The following UBE4B variants were observed in gnomAD, a reference collection of about 807,000 sequenced individuals.
UBE4B encodes the protein ubiquitination factor E4B, also known as ubiquitin conjugation factor E4 B.
UBE4B carries 27 observed loss-of-function variants against 148.1 expected under a neutral mutation model. The observed-to-expected ratio is 0.18, with a 90% confidence interval of 0.13 to 0.25. The LOEUF (loss-of-function observed/expected upper bound fraction) is 0.25, where lower values mean the gene tolerates loss of function less well. Among genes scored for constraint, UBE4B ranks in the 10% least tolerant of loss-of-function variants. The pLI is 1.00. For synonymous variants in UBE4B, 596 were observed against 619.3 expected, an observed-to-expected ratio of 0.96 and a Z score of 0.56; for missense variants, 1,170 against 1,662.4, an observed-to-expected ratio of 0.70 and a Z score of 5.15.
intron 1 of UBE4B, among the ~76,000 whole-genome samples, chr1:10,057,220 C>T (rs1474652096): frequency 6.6e-6 from 1 of 152,012 alleles, no homozygotes; most frequent in Non-Finnish European, 1.5e-5. Context: ...TAGTTCTCAC[C>T]AGCTGGCAGA....
At chr1:10,152,992 C>T (rs978562801) in intron 21 of UBE4B, among the ~76,000 whole-genome samples, 7 of 151,722 alleles carry the variant, frequency 4.6e-5, no homozygotes, top group Admixed American at 1.3e-4. Context: ...GTGTCTCTCT[C>T]GGGGGTTGTG....
chr1:10,144,901 G>C, intron 17 of UBE4B, 39 bp from the exon 18 acceptor site: 1 of 1,495,032 alleles, frequency 6.7e-7, no homozygotes, highest in Non-Finnish European at 9.3e-7. Context: ...GATGGATCCG[G>C]CTGTTTTCTT....
intron 1 of UBE4B, among the ~76,000 whole-genome samples, chr1:10,068,571 G>T (rs1048191433): frequency 2.0e-5 from 3 of 150,818 alleles, no homozygotes; most frequent in African/African-American, 7.3e-5. Flanking sequence ...GGCTGGTCTC[G>T]AACTCCTGAC....
intron 7 of UBE4B, among the ~76,000 whole-genome samples, chr1:10,111,528 GTTC>G (rs1194874789): frequency 2.0e-5 from 3 of 152,100 alleles, no homozygotes; most frequent in Non-Finnish European, 4.4e-5. Flanking sequence ...GCACACCGTC[GTTC>G]TTCATCCGCC....
chr1:10,141,140 A>G (rs1288281612), intron 17 of UBE4B, among the ~76,000 whole-genome samples: 1 of 152,104 alleles, frequency 6.6e-6, no homozygotes, highest in East Asian at 1.9e-4. Flanking sequence ...TCTGCAGTAC[A>G]TATGTGGTTG....
chr1:10,060,871 G>A (rs1644271005), intron 1 of UBE4B, among the ~76,000 whole-genome samples: 1 of 152,038 alleles, frequency 6.6e-6, no homozygotes, highest in Middle Eastern at 3.4e-3. Context: ...AGCCTCCTGA[G>A]TAGTTACGAC....
intron 25 of UBE4B, 26 bp downstream of exon 25, chr1:10,171,355 G>C (rs749773979): frequency 2.5e-6 from 4 of 1,604,416 alleles, no homozygotes; most frequent in East Asian, 2.2e-5. Context: ...TGGTCTCTCT[G>C]TGAGTTTACT....
At chr1:10,177,645 G>A (rs1394961271) in intron 25 of UBE4B, among the ~76,000 whole-genome samples, 1 of 151,770 alleles carries the variant, frequency 6.6e-6, no homozygotes, top group Non-Finnish European at 1.5e-5. Context: ...GACAGAATGA[G>A]ACTCTGTCTC....
intron 1 of UBE4B, among the ~76,000 whole-genome samples, chr1:10,037,347 G>A (rs1643580423): frequency 6.6e-6 from 1 of 151,820 alleles, no homozygotes; most frequent in Non-Finnish European, 1.5e-5. Context: ...TTTAAGTAGA[G>A]TACTTTAACT....
chr1:10,145,265 T>C (rs2101974427), intron 18 of UBE4B: 1 of 335,768 alleles, frequency 3.0e-6, no homozygotes, highest in East Asian at 4.8e-5. Context: ...TCTGCTGTGA[T>C]TATGAATTCT....
intron 10 of UBE4B, among the ~76,000 whole-genome samples, chr1:10,125,200 T>C (rs1645473838): frequency 6.6e-6 from 1 of 152,248 alleles, no homozygotes; most frequent in South Asian, 2.1e-4. Flanking sequence ...AGGATAACTA[T>C]ACAAGAAAGT....
At chr1:10,166,579 G>C (rs968142732) in intron 23 of UBE4B, among the ~76,000 whole-genome samples, 1 of 152,046 alleles carries the variant, frequency 6.6e-6, no homozygotes, top group African/African-American at 2.4e-5. Flanking sequence ...GTTGAGGTCA[G>C]GAGTTTGAGA....
chr1:10,105,425 G>A (rs1483552342), intron 5 of UBE4B, 91 bp from the exon 6 acceptor site: 3 of 1,107,092 alleles, frequency 2.7e-6, no homozygotes, highest in Middle Eastern at 2.0e-4. Flanking sequence ...ATACTGCATC[G>A]AACCATTTGG....
At chr1:10,107,939 T>G (rs1206766434) in intron 7 of UBE4B, among the ~76,000 whole-genome samples, 1 of 152,168 alleles carries the variant, frequency 6.6e-6, no homozygotes, top group Non-Finnish European at 1.5e-5. Flanking sequence ...TAATCATTTT[T>G]CAAAAGCATG....
At chr1:10,091,980 C>T (rs1163009950) in intron 2 of UBE4B, among the ~76,000 whole-genome samples, 1 of 152,104 alleles carries the variant, frequency 6.6e-6, no homozygotes, top group African/African-American at 2.4e-5. Context: ...AACTCCTGGC[C>T]TCAAGTGATC....
At position 10,095,538 on chromosome 1, in the gene UBE4B, T is replaced by C; in HGVS notation, c.289T>C (p.Ser97Pro). Residue 97 changes from serine (S) to proline (P), a missense_variant, in exon 3 of 28, where the codon TCT becomes CCT. Around this residue, in one of 6 missense-constraint regions of UBE4B, gnomAD observed 127 missense variants for 153.2 expected, o/e 0.83. Coordinates refer to ENST00000343090, the MANE Select transcript of UBE4B (RefSeq NM_001105562.3). ...GCCCTCTAATAGCCTTGAAACGCAA[T>C]CTCAGTCTCTCTCACGTTCCCAGAG... The part of the protein sequence containing the change: ...SSPSNSLETQ[S>P]QSLSRSQSMD... The C allele has an allele frequency of 1.9e-6, 3 of 1,614,144 alleles. No individual in the cohort carries two copies. Among genetic ancestry groups the C allele is most frequent in the Non-Finnish European group, 2.5e-6 (3 of 1,180,028 alleles).
At chr1:10,105,457 G>T in intron 5 of UBE4B, 59 bp from the exon 6 acceptor site, 2 of 1,493,306 alleles carry the variant, frequency 1.3e-6, no homozygotes, top group Non-Finnish European at 1.9e-6. Flanking sequence ...TTATTCAAGG[G>T]CTGTGTAACC....
At chr1:10,126,659 C>CT in intron 10 of UBE4B, 135 bp from the exon 11 acceptor site, 1 of 713,162 alleles carries the variant, frequency 1.4e-6, no homozygotes, top group Admixed American at 2.8e-5. Flanking sequence ...GAATTCTAGA[C>CT]TTTTATATGC....
In UBE4B at chr1:10,111,044, GACACACACAC is replaced by G. The variant is rs55936075; in HGVS notation, c.1196+4501_1196+4510del. On this transcript the variant is annotated intron_variant, in intron 7 of 27. Coordinates refer to ENST00000343090, the MANE Select transcript of UBE4B (RefSeq NM_001105562.3). Reference sequence around the variant, plus strand: ...TCTCTCTCTGTCTTTCTCTGTCTCTGACACACACACACACACACACACACACACACACACA... The same window carrying G: ...TCTCTCTCTGTCTTTCTCTGTCTCTGACACACACACACACACACACACACA... Among the ~76,000 whole-genome samples, 384 of 113,440 alleles carry G rather than the reference GACACACACAC, an allele frequency of 3.4e-3. 4 individuals are homozygous for G. The highest frequency in any genetic ancestry group is 8.8e-3 in the African/African-American group (273 of 30,860). 74.4% of individuals were successfully genotyped at this position (113,440 alleles called of 152,430 possible).
Sources: gnomAD v4.1 joint callset for allele counts (sites outside exome capture counted in the v4.1 genomes callset) on GRCh38, gnomAD v4.1.1 for gene constraint, gnomAD v4.1.1 regional missense constraint, MANE v1.5 for transcripts, NCBI Gene and HGNC (gene_info 2026-07-23, HGNC 2026-07-21) for gene names.